Variants in CNTNAP2 observed in about 807,000 individuals in gnomAD.
CNTNAP2 encodes contactin associated protein 2, also known as contactin-associated protein-like 2.
CNTNAP2 carries 98 observed loss-of-function variants against 155.2 expected under a neutral mutation model. That is an observed-to-expected ratio of 0.63 (90% CI 0.54 to 0.75). The LOEUF (loss-of-function observed/expected upper bound fraction) is 0.75, where lower values mean the gene tolerates loss of function less well. Among genes scored for constraint, CNTNAP2 ranks in the 30% least tolerant of loss-of-function variants. CNTNAP2 has a pLI of 0.00. For synonymous variants in CNTNAP2, 651 were observed against 631.2 expected (o/e 1.03, Z -0.47); for missense variants, 1,727 against 1,688.1 (o/e 1.02, Z -0.40).
intron 1 of CNTNAP2, among the ~76,000 whole-genome samples, chr7:146,762,190 A>G (rs780366483): frequency 1.3e-5 from 2 of 152,172 alleles, no homozygotes; most frequent in Admixed American, 6.5e-5. Context: ...TCATGTCTAG[A>G]TAGAAAATAA....
At chr7:147,759,217 G>A (rs1422752239) in intron 13 of CNTNAP2, among the ~76,000 whole-genome samples, 1 of 152,094 alleles carries the variant, frequency 6.6e-6, no homozygotes, top group African/African-American at 2.4e-5. Flanking sequence ...TTTATAAAAA[G>A]AAATTATGTT....
rs544244055 is a variant in CNTNAP2 at position 147,448,948 on chromosome 7, AAAGAACCCT to A, written c.1671-36983_1671-36975del. Among the ~76,000 whole-genome samples the A allele has an allele frequency of 3.5e-3, 532 of 152,280 alleles. 4 individuals are homozygous for A. Among genetic ancestry groups the A allele is most frequent in the Non-Finnish European group, 6.3e-3 (429 of 68,026 alleles). ...TCAATAAATAAACTCTTTGAATAAA[AAAGAACCCT>A]AAGCATCTTTTTGCAAATAGTTCTA... On this transcript the variant is annotated intron_variant, in intron 10 of 23. Coordinates refer to ENST00000361727, the MANE Select transcript of CNTNAP2 (RefSeq NM_014141.6).
intron 1 of CNTNAP2, among the ~76,000 whole-genome samples, chr7:146,493,341 A>T (rs1371773436): frequency 6.6e-6 from 1 of 152,206 alleles, no homozygotes; most frequent in Non-Finnish European, 1.5e-5. Context: ...ATAGCGCAGA[A>T]GGTTAATAGT....
Position 146,587,598 on chromosome 7 carries a change from A to G in CNTNAP2, c.98-186673A>G, listed in dbSNP as rs543562047. 2.6e-5 allele frequency among the ~76,000 whole-genome samples: 4 copies of G among 152,284 alleles called. No individual in the cohort carries two copies. In the South Asian group the frequency reaches 8.3e-4, roughly 32 times the overall value. Reference sequence around the variant, plus strand: ...ACATACAAATGTCATTGTTATTTATATGCACGTATGATGGTAATATATATG... The same window carrying G: ...ACATACAAATGTCATTGTTATTTATGTGCACGTATGATGGTAATATATATG... On this transcript the variant is annotated intron_variant, in intron 1 of 23. Coordinates refer to ENST00000361727, the MANE Select transcript of CNTNAP2 (RefSeq NM_014141.6).
intron 10 of CNTNAP2, among the ~76,000 whole-genome samples, chr7:147,458,387 A>G (rs4726861): frequency 0.77 from 116,142 of 151,796 alleles, 44,634 homozygotes; most frequent in African/African-American, 0.84. Context: ...CTCACAAGCA[A>G]AAGTCTACTT....
At chr7:146,974,140 T>C (rs1241578985) in intron 3 of CNTNAP2, among the ~76,000 whole-genome samples, 1 of 152,096 alleles carries the variant, frequency 6.6e-6, no homozygotes, top group African/African-American at 2.4e-5. Flanking sequence ...GATGAAGACA[T>C]ATAGAGGACA....
chr7:146,926,284 T>C (rs1243047664), intron 3 of CNTNAP2, among the ~76,000 whole-genome samples: 1 of 152,014 alleles, frequency 6.6e-6, no homozygotes, highest in Non-Finnish European at 1.5e-5. Context: ...ATTGACAATA[T>C]AACAAAAATT....
At position 146,391,038 on chromosome 7, in the gene CNTNAP2, G is replaced by A. The variant is rs1461435334; in HGVS notation, c.97+274065G>A. 2.7e-5 allele frequency among the ~76,000 whole-genome samples: 4 copies of A among 148,294 alleles called. No homozygotes were observed. In the East Asian group the frequency reaches 5.8e-4, roughly 22 times the overall value. On this transcript the variant is annotated intron_variant, in intron 1 of 23. Coordinates refer to ENST00000361727, the MANE Select transcript of CNTNAP2 (RefSeq NM_014141.6). ...GCCGAGATCGCGCCACTGCACTCCA[G>A]CCTGGCAACATAGTGAGACTCTGTC...
chr7:146,441,835 C>T (rs1404052670), intron 1 of CNTNAP2, among the ~76,000 whole-genome samples: 4 of 151,508 alleles, frequency 2.6e-5, no homozygotes, highest in African/African-American at 4.9e-5. Context: ...ATTATTGTCT[C>T]TTTCCCAAGA....
chr7:146,279,749 C>T (rs1453075416), intron 1 of CNTNAP2, among the ~76,000 whole-genome samples: 2 of 151,646 alleles, frequency 1.3e-5, no homozygotes, highest in Admixed American at 6.6e-5. Flanking sequence ...TAAACATGGA[C>T]ACAATTTTTC....
chr7:148,145,020 A>G (rs1805149446), intron 16 of CNTNAP2, among the ~76,000 whole-genome samples: 1 of 152,184 alleles, frequency 6.6e-6, no homozygotes, highest in Non-Finnish European at 1.5e-5. Context: ...CAGCAATGTC[A>G]GGGAAGCTGA....
chr7:147,499,092 A>G (rs1475413017), intron 11 of CNTNAP2, among the ~76,000 whole-genome samples: 1 of 152,242 alleles, frequency 6.6e-6, no homozygotes, highest in East Asian at 1.9e-4. Flanking sequence ...TCATATTTGA[A>G]TCTTGAGAAA....
chr7:146,446,692 A>G (rs1201287881), intron 1 of CNTNAP2, among the ~76,000 whole-genome samples: 1 of 152,122 alleles, frequency 6.6e-6, no homozygotes, highest in Non-Finnish European at 1.5e-5. Flanking sequence ...TCAACTCTGA[A>G]TATTTAGCAT....
chr7:146,333,990 T>A (rs1337138700), intron 1 of CNTNAP2, among the ~76,000 whole-genome samples: 1 of 152,152 alleles, frequency 6.6e-6, no homozygotes, highest in Non-Finnish European at 1.5e-5. Context: ...GATCCATGAC[T>A]AGGAAGAAGA....
chr7:146,669,505 A>G (rs1563181053), intron 1 of CNTNAP2, among the ~76,000 whole-genome samples: 1 of 152,202 alleles, frequency 6.6e-6, no homozygotes, highest in Admixed American at 6.5e-5. Flanking sequence ...CCAAAAACAA[A>G]TGCAAAAATT....
At chr7:146,741,400 G>T (rs928629802) in intron 1 of CNTNAP2, among the ~76,000 whole-genome samples, 1 of 152,140 alleles carries the variant, frequency 6.6e-6, no homozygotes, top group Non-Finnish European at 1.5e-5. Flanking sequence ...ATCCACAGGA[G>T]AATTGCAAAG....
intron 12 of CNTNAP2, among the ~76,000 whole-genome samples, chr7:147,605,132 C>T (rs984301506): frequency 1.3e-5 from 2 of 152,066 alleles, no homozygotes; most frequent in African/African-American, 4.8e-5. Flanking sequence ...GCATCGTTTC[C>T]TACTATACCT....
intron 1 of CNTNAP2, among the ~76,000 whole-genome samples, chr7:146,139,929 A>G (rs1271792126): frequency 6.6e-6 from 1 of 152,192 alleles, no homozygotes; most frequent in African/African-American, 2.4e-5. Context: ...TTATCTTTGT[A>G]TGAAATTAAC....
chr7:147,015,792 T>C (rs957922309), intron 3 of CNTNAP2, among the ~76,000 whole-genome samples: 1 of 152,086 alleles, frequency 6.6e-6, no homozygotes, highest in African/African-American at 2.4e-5. Flanking sequence ...TCTGTTCACA[T>C]TCGTCACCAT....
Sources: allele counts gnomAD v4.1 joint callset (sites outside exome capture counted in the v4.1 genomes callset), GRCh38; gene constraint gnomAD v4.1.1; transcripts MANE v1.5; gene names NCBI Gene and HGNC (gene_info 2026-07-23, HGNC 2026-07-21).